Variants in C7orf57 observed in about 807,000 individuals in gnomAD.
C7orf57 encodes the protein chromosome 7 open reading frame 57.
C7orf57 carries 33 observed loss-of-function variants against 39.0 expected under a neutral mutation model. The ratio of observed to expected loss-of-function variants is 0.85; its 90% CI spans 0.64 to 1.13. The LOEUF (loss-of-function observed/expected upper bound fraction) is 1.13, where lower values mean the gene tolerates loss of function less well. Ranked by LOEUF, C7orf57 falls within the 50% of genes most tolerant of loss-of-function variation. C7orf57 has a pLI of 0.00. For synonymous variants in C7orf57, 124 were observed against 137.1 expected (o/e 0.90, Z 0.67); for missense variants, 346 against 362.3 (o/e 0.95, Z 0.37).
In C7orf57 at chr7:48,051,725, TC is replaced by T. The variant is rs1790888724; in HGVS notation, c.606-974del. Among the ~76,000 whole-genome samples, 3 of 49,420 alleles carry T rather than the reference TC, an allele frequency of 6.1e-5. 1 individual carries two copies. Among genetic ancestry groups the T allele is most frequent in the Non-Finnish European group, 2.2e-4 (3 of 13,800 alleles). 32.4% of individuals were successfully genotyped at this position (49,420 alleles called of 152,430 possible). ...TCTCTCTCTCTCTCCTTTCTTTCTT[TC>T]TCTTTTTCTTTTCTTTCTTTTTCTT... On this transcript the variant is annotated intron_variant, in intron 6 of 8. Coordinates refer to ENST00000348904, the MANE Select transcript of C7orf57 (RefSeq NM_001100159.3).
intron 5 of C7orf57, among the ~76,000 whole-genome samples, chr7:48,047,783 C>T (rs541345266): frequency 2.0e-5 from 3 of 152,062 alleles, no homozygotes; most frequent in Non-Finnish European, 4.4e-5. Context: ...GTTCACTACA[C>T]CCTCGAACTC....
chr7:48,046,213 A>C (rs1790707180), intron 4 of C7orf57, among the ~76,000 whole-genome samples: 1 of 151,610 alleles, frequency 6.6e-6, no homozygotes, highest in Non-Finnish European at 1.5e-5. Context: ...ACGGAAGAGA[A>C]GAGAATAAGG....
intron 6 of C7orf57, among the ~76,000 whole-genome samples, chr7:48,052,130 T>C (rs1203716703): frequency 6.6e-6 from 1 of 151,716 alleles, no homozygotes; most frequent in Non-Finnish European, 1.5e-5. Context: ...CGTGCCACCA[T>C]GCCCAGCTAA....
intron 2 of C7orf57, among the ~76,000 whole-genome samples, chr7:48,038,135 G>A (rs1167756864): frequency 1.3e-5 from 2 of 151,408 alleles, no homozygotes; most frequent in Admixed American, 6.6e-5. Flanking sequence ...TTTCCTTTTC[G>A]AAACCATATA....
chr7:48,048,459 G>C (rs1336529250), intron 5 of C7orf57, among the ~76,000 whole-genome samples: 2 of 152,114 alleles, frequency 1.3e-5, no homozygotes, highest in African/African-American at 2.4e-5. Context: ...CAGGGTGATC[G>C]GGGGATCTTG....
chr7:48,046,164 T>A (rs918307190), intron 4 of C7orf57, among the ~76,000 whole-genome samples: 5 of 151,638 alleles, frequency 3.3e-5, no homozygotes, highest in African/African-American at 1.2e-4. Flanking sequence ...GGCCCGTCTG[T>A]GTTTTCAAGG....
rs1298755680 is a variant in C7orf57, at chr7:48,053,177, T to TTTGA, written c.829+256_829+259dup. On this transcript the variant is annotated intron_variant, in intron 7 of 8. Coordinates refer to ENST00000348904, the MANE Select transcript of C7orf57 (RefSeq NM_001100159.3). ...ACATTTTCTTTTATTTGTCAAAAAT[T>TTTGA]TTGATAGTCCATTTGATATAACAAA... 3 of 596,914 alleles carry TTTGA rather than the reference T, an allele frequency of 5.0e-6. No individual in the cohort carries two copies. In the African/African-American group the frequency reaches 5.5e-5, roughly 11 times the overall value. 37.0% of individuals were successfully genotyped at this position (596,914 alleles called of 1,614,324 possible).
chr7:48,046,793 CTTTCTT>C (rs374425437), intron 5 of C7orf57, among the ~76,000 whole-genome samples, 177 bp downstream of exon 5: 78 of 152,266 alleles, frequency 5.1e-4, no homozygotes, highest in African/African-American at 1.7e-3. Flanking sequence ...ATACTATGGT[CTTTCTT>C]TTTCTTTTTA....
At chr7:48,052,133 C>T (rs112887707) in intron 6 of C7orf57, among the ~76,000 whole-genome samples, 8,304 of 151,662 alleles carry the variant, frequency 0.055, 751 homozygotes, top group African/African-American at 0.19. Flanking sequence ...GCCACCATGC[C>T]CAGCTAATTT....
chr7:48,042,685 T>TAA (rs535635578), intron 3 of C7orf57, among the ~76,000 whole-genome samples: 12 of 136,702 alleles, frequency 8.8e-5, no homozygotes, highest in Admixed American at 2.2e-4. Context: ...GCTTTAAAAG[T>TAA]AAAAAAAAAA....
At chr7:48,054,688 G>C in intron 8 of C7orf57, 82 bp downstream of exon 8, 1 of 1,232,532 alleles carries the variant, frequency 8.1e-7, no homozygotes, top group Non-Finnish European at 1.2e-6. Context: ...TGCATTCTGA[G>C]ACTACAGCCT....
chr7:48,040,408 G>A (rs988265154), intron 2 of C7orf57, among the ~76,000 whole-genome samples: 2 of 152,106 alleles, frequency 1.3e-5, no homozygotes, highest in South Asian at 4.1e-4. Context: ...TTTCTCAAGG[G>A]AGCCACACCC....
chr7:48,036,580 TTTTC>T (rs1352942245), intron 2 of C7orf57, among the ~76,000 whole-genome samples: 1 of 152,192 alleles, frequency 6.6e-6, no homozygotes, highest in Non-Finnish European at 1.5e-5. Context: ...GGAGTCTTGT[TTTTC>T]TTTATTTTCA....
rs551297123 is a variant in C7orf57 at position 48,035,803 on chromosome 7, G to C, written c.-102+173G>C. 2.0e-5 allele frequency among the ~76,000 whole-genome samples: 3 copies of C among 152,286 alleles called. No homozygotes were observed. Among genetic ancestry groups the C allele is most frequent in the Admixed American group, 6.5e-5 (1 of 15,308 alleles). Reference sequence around the variant, plus strand: ...GGATCTCCAAGCCTGCCCAAGTCCCGCGGCCCCTTGGTTACCTGTTGCTTA... The same window carrying C: ...GGATCTCCAAGCCTGCCCAAGTCCCCCGGCCCCTTGGTTACCTGTTGCTTA... On this transcript the variant is annotated intron_variant, in intron 1 of 8. Transcript: ENST00000348904. This position sits in a 1 kb window ranked among gnomAD's most constrained non-coding sequence, Gnocchi z 4.0.
intron 6 of C7orf57, among the ~76,000 whole-genome samples, chr7:48,051,174 A>G (rs1368461646): frequency 6.6e-6 from 1 of 151,878 alleles, no homozygotes; most frequent in Non-Finnish European, 1.5e-5. Flanking sequence ...AAGAACCAAT[A>G]AGAAAGTAAT....
chr7:48,057,651 A>C lies in C7orf57; in HGVS notation c.842-2575A>C, dbSNP rs1352298455. On this transcript the variant is annotated intron_variant, in intron 8 of 8. Transcript: ENST00000348904. Reference sequence around the variant, plus strand: ...TGCTCTGGCTAAGACTTCAGGTACTAAGTCAAATAGAAGTGGTGATAGTGA... The same window carrying C: ...TGCTCTGGCTAAGACTTCAGGTACTCAGTCAAATAGAAGTGGTGATAGTGA... Among the ~76,000 whole-genome samples the C allele has an allele frequency of 2.0e-5, 3 of 152,258 alleles. No homozygotes were observed. The East Asian group carries it at 5.8e-4, about 29-fold the overall frequency.
intron 8 of C7orf57, among the ~76,000 whole-genome samples, chr7:48,059,409 G>A (rs867828123): frequency 4.6e-5 from 7 of 152,066 alleles, no homozygotes; most frequent in South Asian, 4.1e-4. Flanking sequence ...GGAGTGTAGC[G>A]GTGCCATCAT....
At chr7:48,045,754 A>T (rs556473771) in intron 4 of C7orf57, among the ~76,000 whole-genome samples, 1 of 152,230 alleles carries the variant, frequency 6.6e-6, no homozygotes, top group African/African-American at 2.4e-5. Context: ...AAACCTGGTT[A>T]TGTGTACAGA....
At chr7:48,058,004 T>G (rs888925082) in intron 8 of C7orf57, among the ~76,000 whole-genome samples, 2 of 152,214 alleles carry the variant, frequency 1.3e-5, no homozygotes, top group Admixed American at 1.3e-4. Context: ...ATTTAATGAT[T>G]TGCATATGTT....
Sources: gnomAD v4.1 joint callset for allele counts (sites outside exome capture counted in the v4.1 genomes callset) on GRCh38, gnomAD v4.1.1 for gene constraint, Gnocchi (gnomAD v3.1) non-coding constraint, MANE v1.5 for transcripts, NCBI Gene and HGNC (gene_info 2026-07-23, HGNC 2026-07-21) for gene names.